LCN2: variants seen among roughly 807,000 people sequenced by gnomAD.
The protein encoded by LCN2 is neutrophil gelatinase-associated lipocalin.
In LCN2, 27 loss-of-function variants were observed where a neutral mutation model predicts 26.4. That is an observed-to-expected ratio of 1.02 (90% CI 0.76 to 1.41). The LOEUF (loss-of-function observed/expected upper bound fraction) is 1.41. Ranked by LOEUF, LCN2 falls within the 40% of genes most tolerant of loss-of-function variation. The pLI, the probability that LCN2 is intolerant of heterozygous loss-of-function variation, is 0.00. For synonymous variants in LCN2, 94 were observed against 98.9 expected (o/e 0.95, Z 0.30); for missense variants, 224 against 237.6 (o/e 0.94, Z 0.38).
intron 1 of LCN2, 88 bp downstream of exon 1, chr9:128,149,751 G>T (rs1203330708): frequency 3.9e-6 from 6 of 1,525,456 alleles, no homozygotes; most frequent in African/African-American, 1.4e-5. Context: ...CAGGAAGAGC[G>T]TTGGGCAGGA....
intron 5 of LCN2, 101 bp from the exon 6 acceptor site, chr9:128,152,999 G>T: frequency 1.3e-6 from 2 of 1,569,250 alleles, no homozygotes. Context: ...GGGCTGCCCA[G>T]GGGCAGTGCA....
intron 2 of LCN2, 50 bp from the exon 3 acceptor site, chr9:128,151,588 C>T (rs898392450): frequency 6.7e-7 from 1 of 1,481,976 alleles, no homozygotes. Flanking sequence ...GCACAGGAGG[C>T]CCAAGCCTGG....
Position 128,152,241 on chromosome 9 carries a change from T to A in LCN2, c.534T>A (p.Ser178=). The part of the protein sequence containing the change: ...LKENFIRFSK[S]LGLPENHIVF... Reference sequence around the variant, plus strand: ...AGAACTTCATCCGCTTCTCCAAATCTCTGGGCCTCCCTGAAAACCACATCG... The same window carrying A: ...AGAACTTCATCCGCTTCTCCAAATCACTGGGCCTCCCTGAAAACCACATCG... The change falls in exon 5 of 7, where the codon TCT becomes TCA. Residue 178 remains serine (S), a synonymous_variant. Transcript: ENST00000277480. The A allele has an allele frequency of 6.2e-7, 1 of 1,614,100 alleles. No homozygotes were observed.
At chr9:128,152,438 C>A in intron 5 of LCN2, 154 bp downstream of exon 5, 1 of 663,798 alleles carries the variant, frequency 1.5e-6, no homozygotes, top group East Asian at 2.7e-5. Flanking sequence ...CACTCTGGGC[C>A]CAGGAAGACT....
chr9:128,150,591 G>A, intron 2 of LCN2: 2 of 704,286 alleles, frequency 2.8e-6, no homozygotes, highest in Non-Finnish European at 5.1e-6. Context: ...TAGAAAACAA[G>A]ACGGAGAGAG....
intron 5 of LCN2, 76 bp downstream of exon 5, chr9:128,152,360 G>A: frequency 1.5e-6 from 2 of 1,297,774 alleles, no homozygotes; most frequent in Non-Finnish European, 2.2e-6. Context: ...AGGGATCAGG[G>A]AGAGGAGGGA....
chr9:128,152,228 G>A lies in LCN2; in HGVS notation c.521G>A (p.Arg174His), dbSNP rs769628755. 28 of 1,613,984 alleles carry A rather than the reference G, an allele frequency of 1.7e-5. No individual in the cohort carries two copies. The highest frequency in any genetic ancestry group is 5.0e-5 in the Admixed American group (3 of 60,006). The change falls in exon 5 of 7, where the codon CGC becomes CAC. Residue 174 changes from arginine to histidine, a missense_variant. Physicochemically the swap from Arg to His is conservative, Grantham distance 29. Transcript: ENST00000277480. ...LTSELKENFI[R>H]FSKSLGLPEN... ...TCGGAACTAAAGGAGAACTTCATCC[G>A]CTTCTCCAAATCTCTGGGCCTCCCT...
chr9:128,152,757 G>A (rs1588087312), intron 5 of LCN2, among the ~76,000 whole-genome samples: 1 of 152,156 alleles, frequency 6.6e-6, no homozygotes, highest in Non-Finnish European at 1.5e-5. Context: ...TGGGCAGGAG[G>A]CTCCAGCCAG....
At position 128,151,711 on chromosome 9, in the gene LCN2, A is replaced by G. The variant is rs1429522026; in HGVS notation, c.349A>G (p.Ile117Val). ...GCCCGGCGAGTTCACGCTGGGCAAC[A>G]TTAAGAGTGAGTCTTGAGTGAGGTG... is the stretch of plus-strand genomic sequence containing the variant. ...CQPGEFTLGNIKSYPGLTSYL... is the reference protein window; with the variant it reads ...CQPGEFTLGNVKSYPGLTSYL... Residue 117 changes from isoleucine (I) to valine (V), a missense_variant, in exon 3 of 7, where the codon ATT (isoleucine) becomes GTT (valine). Transcript: ENST00000277480. 1 of 1,613,844 alleles carries G rather than the reference A, an allele frequency of 6.2e-7. No individual in the cohort carries two copies. The highest frequency in any genetic ancestry group is 8.5e-7 in the Non-Finnish European group (1 of 1,179,832).
rs1217418447 is a variant in LCN2, at chr9:128,149,546, G to C, written c.21G>C (p.Trp7Cys). ...AAATCATGCCCCTAGGTCTCCTGTG[G>C]CTGGGCCTAGCCCTGTTGGGGGCTC... MPLGLL[W>C]LGLALLGALH... Residue 7 changes from tryptophan (W) to cysteine (C), a missense_variant, in exon 1 of 7, where the codon TGG becomes TGC. Trp to Cys is a radical substitution (Grantham distance 215, BLOSUM62 -2). Transcript: ENST00000277480. 2 of 1,613,024 alleles carry C rather than the reference G, an allele frequency of 1.2e-6. No individual in the cohort carries two copies. Among genetic ancestry groups the C allele is most frequent in the South Asian group, 2.2e-5 (2 of 91,026 alleles).
At chr9:128,152,146 G>T (rs187621377) in intron 4 of LCN2, 37 bp from the exon 5 acceptor site, 13 of 1,610,906 alleles carry the variant, frequency 8.1e-6, no homozygotes, top group Non-Finnish European at 1.1e-5. Flanking sequence ...TATTTATGTG[G>T]TGTCTGCCAG....
Position 128,152,981 on chromosome 9 carries a change from TGGGGCA to T in LCN2, c.578-113_578-108del, listed in dbSNP as rs139141445. On this transcript the variant is annotated intron_variant, in intron 5 of 6. Transcript: ENST00000277480. ...CCATATCTTCTGCAGCTGGGCCAGG[TGGGGCA>T]GGGGCTGCCCAGGGGCAGTGCAGAG... The T allele has an allele frequency of 3.7e-3, 5,316 of 1,420,228 alleles. 159 individuals are homozygous for T. In the African/African-American group the frequency reaches 0.065, roughly 17 times the overall value. The allele number at this position is 1,420,228 out of a possible 1,614,324, so 88.0% of individuals were successfully genotyped here. A position where few individuals can be genotyped will look rare whatever the true frequency, so the allele number is the denominator to read the frequency against.
Position 128,149,605 on chromosome 9 carries a change from T to C in LCN2, c.80T>C (p.Leu27Pro). Reference sequence around the variant, plus strand: ...CAGGCCCAGGACTCCACCTCAGACCTGATCCCAGCCCCACCTCTGAGCAAG... The same window carrying C: ...CAGGCCCAGGACTCCACCTCAGACCCGATCCCAGCCCCACCTCTGAGCAAG... ...HAQAQDSTSD[L>P]IPAPPLSKVP... is the part of the protein sequence containing the mutation. The change falls in exon 1 of 7, where the codon CTG becomes CCG. Residue 27 changes from leucine to proline, a missense_variant. Transcript: ENST00000277480. 1 of 1,613,966 alleles carries C rather than the reference T, an allele frequency of 6.2e-7. No homozygotes were observed. The highest frequency in any genetic ancestry group is 8.5e-7 in the Non-Finnish European group (1 of 1,179,950).
intron 1 of LCN2, 38 bp from the exon 2 acceptor site, chr9:128,150,200 G>C (rs1175425276): frequency 6.3e-7 from 1 of 1,594,790 alleles, no homozygotes; most frequent in Non-Finnish European, 8.5e-7. Context: ...GGCTCCTAGG[G>C]CCATTCCTGG....
chr9:128,150,395 G>A, intron 2 of LCN2, 21 bp downstream of exon 2: 3 of 1,614,130 alleles, frequency 1.9e-6, no homozygotes, highest in Non-Finnish European at 2.5e-6. Flanking sequence ...ACATCTCCTG[G>A]GGGTGTGAGA....
At chr9:128,151,371 G>T (rs887073812) in intron 2 of LCN2, 112 of 580,162 alleles carry the variant, frequency 1.9e-4, no homozygotes, top group Admixed American at 9.3e-5. Context: ...AGGAAAGAAG[G>T]ACATCGGGTG....
chr9:128,149,682 C>T lies in LCN2; in HGVS notation c.138+19C>T, dbSNP rs918006258. On this transcript the variant is annotated intron_variant, in intron 1 of 6. Transcript: ENST00000277480. ...CAACCAAGTAAGGGGCCAAGAGGGG[C>T]ACCTGCAGGCAGGGCCTGGGGAAGA... 1.4e-5 allele frequency: 22 copies of T among 1,613,230 alleles called. No homozygotes were observed. Among genetic ancestry groups the T allele is most frequent in the Non-Finnish European group, 1.8e-5 (21 of 1,179,734 alleles).
chr9:128,149,771 T>C, intron 1 of LCN2, 108 bp downstream of exon 1: 1 of 1,352,276 alleles, frequency 7.4e-7, no homozygotes, highest in South Asian at 1.3e-5. Flanking sequence ...ACTCTAGGAG[T>C]CCAGGGTCCA....
Position 128,151,732 on chromosome 9 carries a change from A to G in LCN2, c.355+15A>G. On this transcript the variant is annotated intron_variant, in intron 3 of 6. Transcript: ENST00000277480. ...CAACATTAAGAGTGAGTCTTGAGTGAGGTGGGGCACTGAGTTGGGGCTCCG... is the reference window on the plus strand; with the variant it reads ...CAACATTAAGAGTGAGTCTTGAGTGGGGTGGGGCACTGAGTTGGGGCTCCG... 1 of 1,612,396 alleles carries G rather than the reference A, an allele frequency of 6.2e-7. No homozygotes were observed. Among genetic ancestry groups the G allele is most frequent in the Non-Finnish European group, 8.5e-7 (1 of 1,178,552 alleles).
Sources: allele counts gnomAD v4.1 joint callset (sites outside exome capture counted in the v4.1 genomes callset), GRCh38; gene constraint gnomAD v4.1.1; transcripts MANE v1.5; gene names NCBI Gene and HGNC (gene_info 2026-07-23, HGNC 2026-07-21).